GNAO1: variants seen among roughly 807,000 people sequenced by gnomAD.
The protein encoded by GNAO1 is G protein subunit alpha o1, also known as guanine nucleotide-binding protein G(o) subunit alpha.
For synonymous variants in GNAO1, 164 were observed against 180.7 expected, an observed-to-expected ratio of 0.91 and a Z score of 0.74; for missense variants, 166 against 478.7, an observed-to-expected ratio of 0.35 and a Z score of 6.10.
rs139789645 is a variant in GNAO1 at position 56,206,215 on chromosome 16, G to C, written c.161+13599G>C. Among the ~76,000 whole-genome samples the C allele has an allele frequency of 1.2e-3, 186 of 151,966 alleles. No homozygotes were observed. The East Asian group carries it at 0.022, about 18-fold the overall frequency. On this transcript the variant is annotated intron_variant, in intron 2 of 8. Coordinates refer to ENST00000262493, the MANE Select transcript of GNAO1 (RefSeq NM_020988.3). ...GGCGACTGTAGTCACAGCTACTCGG[G>C]AGGCTGAGGCAGGAGAATCACTTGA...
At chr16:56,350,930 C>G (rs1173698892) in intron 6 of GNAO1, among the ~76,000 whole-genome samples, 2 of 151,766 alleles carry the variant, frequency 1.3e-5, no homozygotes, top group African/African-American at 4.8e-5. Flanking sequence ...CGCACACACA[C>G]TCAAGCACAT....
At chr16:56,234,793 A>G (rs1157110175) in intron 2 of GNAO1, among the ~76,000 whole-genome samples, 2 of 152,040 alleles carry the variant, frequency 1.3e-5, no homozygotes, top group African/African-American at 4.8e-5. Context: ...CAACTCAAAG[A>G]TCCTCCAAGA....
At chr16:56,347,876 G>C in intron 6 of GNAO1, 1 of 976,680 alleles carries the variant, frequency 1.0e-6, no homozygotes, top group Non-Finnish European at 1.2e-6. Context: ...TCTCTACTCC[G>C]CTGGTTCTGA....
intron 3 of GNAO1, among the ~76,000 whole-genome samples, chr16:56,285,594 A>G (rs978116253): frequency 1.3e-5 from 2 of 152,244 alleles, no homozygotes; most frequent in African/African-American, 2.4e-5. Context: ...AGTGCCCTGT[A>G]TTTTGGGACT....
chr16:56,241,288 G>A (rs141140941), intron 2 of GNAO1, among the ~76,000 whole-genome samples: 158 of 152,296 alleles, frequency 1.0e-3, no homozygotes, highest in African/African-American at 3.7e-3. Context: ...GTGCTGGGGA[G>A]TAAAGCATCA....
chr16:56,348,165 T>C (rs1250048447), intron 6 of GNAO1: 1 of 979,750 alleles, frequency 1.0e-6, no homozygotes, highest in African/African-American at 1.8e-5. Context: ...TATTTATTAG[T>C]CGCCTACCGT....
intron 2 of GNAO1, among the ~76,000 whole-genome samples, chr16:56,197,004 A>T (rs78607551): frequency 6.6e-6 from 1 of 152,192 alleles, no homozygotes; most frequent in East Asian, 1.9e-4. Flanking sequence ...TAATTAGGGT[A>T]TCTACTGTTT....
rs541855834 is a variant in GNAO1 at position 56,333,494 on chromosome 16, G to A, written c.465-1235G>A. Among the ~76,000 whole-genome samples the A allele has an allele frequency of 4.6e-5, 7 of 152,340 alleles. No homozygotes were observed. In the South Asian group the frequency reaches 6.2e-4, roughly 14 times the overall value. ...CAAAGTGCTGGGATTACAGGCGTGAGCCACCGCACCCGGCTGCCAAGTTCA... is the reference window on the plus strand; with the variant it reads ...CAAAGTGCTGGGATTACAGGCGTGAACCACCGCACCCGGCTGCCAAGTTCA... On this transcript the variant is annotated intron_variant, in intron 4 of 8. Coordinates refer to ENST00000262493, the MANE Select transcript of GNAO1 (RefSeq NM_020988.3).
intron 5 of GNAO1, 87 bp from the exon 6 acceptor site, chr16:56,336,644 T>C: frequency 5.5e-6 from 7 of 1,269,692 alleles, no homozygotes; most frequent in Non-Finnish European, 7.6e-6. Flanking sequence ...GCCCCCATCC[T>C]CTGCCTCTCA....
chr16:56,250,602 C>T (rs75227744), intron 2 of GNAO1, among the ~76,000 whole-genome samples: 2,226 of 152,294 alleles, frequency 0.015, 35 homozygotes, highest in African/African-American at 0.024. Flanking sequence ...CTTTCAGGTA[C>T]AAATGGCAGA....
intron 2 of GNAO1, among the ~76,000 whole-genome samples, chr16:56,230,219 C>T (rs1017167580): frequency 4.6e-5 from 7 of 152,178 alleles, no homozygotes; most frequent in African/African-American, 1.7e-4. Context: ...AGCTGCCCAG[C>T]CTGGTGTGCA....
Position 56,315,466 on chromosome 16 carries a change from A to T in GNAO1, c.304-13165A>T, listed in dbSNP as rs190985552. 7.2e-5 allele frequency among the ~76,000 whole-genome samples: 11 copies of T among 152,208 alleles called. No homozygotes were observed. In the East Asian group the frequency reaches 2.1e-3, roughly 29 times the overall value. On this transcript the variant is annotated intron_variant, in intron 3 of 8. Coordinates refer to ENST00000262493, the MANE Select transcript of GNAO1 (RefSeq NM_020988.3). The stretch of plus-strand genomic sequence containing the variant: ...GGATTTGGAAATTTCTGTCCCATTC[A>T]CCTTAAAGCTTTTTTGGGACAGGAT...
intron 3 of GNAO1, among the ~76,000 whole-genome samples, chr16:56,283,806 TACA>T (rs1162504993): frequency 2.0e-5 from 3 of 152,176 alleles, no homozygotes; most frequent in African/African-American, 7.2e-5. Flanking sequence ...GCTCTCCACC[TACA>T]ACAGCCCCAG....
intron 2 of GNAO1, chr16:56,271,252 C>G (rs185832276): frequency 6.6e-6 from 1 of 152,250 alleles, no homozygotes; most frequent in Admixed American, 6.5e-5. Context: ...GTGGCCTAAC[C>G]TATCTGAGCC....
intron 6 of GNAO1, chr16:56,343,842 C>G: frequency 6.2e-7 from 1 of 1,613,838 alleles, no homozygotes; most frequent in South Asian, 1.1e-5. Flanking sequence ...ACAAAGAGAT[C>G]TACACCCACG....
intron 2 of GNAO1, among the ~76,000 whole-genome samples, chr16:56,247,031 G>A (rs1285025611): frequency 6.6e-6 from 1 of 152,220 alleles, no homozygotes; most frequent in Non-Finnish European, 1.5e-5. Context: ...CAGAGTAACA[G>A]CTTCCTTAAG....
intron 2 of GNAO1, among the ~76,000 whole-genome samples, chr16:56,272,699 G>A (rs2037029262): frequency 6.6e-6 from 1 of 152,186 alleles, no homozygotes; most frequent in Non-Finnish European, 1.5e-5. Flanking sequence ...TTCTCTCTCA[G>A]CCTCAGTTTT....
intron 3 of GNAO1, among the ~76,000 whole-genome samples, chr16:56,297,481 C>T (rs1435147916): frequency 2.0e-5 from 3 of 151,178 alleles, no homozygotes; most frequent in African/African-American, 4.9e-5. Context: ...GCCACCCACC[C>T]GGTGGATGAC....
chr16:56,298,964 C>T (rs114379428), intron 3 of GNAO1, among the ~76,000 whole-genome samples: 1,590 of 150,514 alleles, frequency 0.011, 20 homozygotes, highest in South Asian at 0.039. Flanking sequence ...AATATAAGGA[C>T]GGGGTGTCAT....
Sources: allele counts gnomAD v4.1 joint callset (sites outside exome capture counted in the v4.1 genomes callset), GRCh38; gene constraint gnomAD v4.1.1; transcripts MANE v1.5; gene names NCBI Gene and HGNC (gene_info 2026-07-23, HGNC 2026-07-21).